The following TUBA1B variants were observed in gnomAD, a reference collection of about 807,000 sequenced individuals.
TUBA1B encodes tubulin alpha 1b.
Under a neutral mutation model 34.4 loss-of-function variants are expected in TUBA1B, and 1 was observed. That is an observed-to-expected ratio of 0.03 (90% CI 0.01 to 0.14). The LOEUF (loss-of-function observed/expected upper bound fraction) is 0.14, where lower values mean the gene tolerates loss of function less well. Ranked by LOEUF, TUBA1B falls within the 10% of genes least tolerant of loss-of-function variation. The pLI, the probability that TUBA1B is intolerant of heterozygous loss-of-function variation, is 1.00. For missense variants in TUBA1B, 54 were observed against 583.6 expected (o/e 0.09, Z 9.35); for synonymous variants, 197 against 212.5 (o/e 0.93, Z 0.64).
chr12:49,130,931 G>C (rs2121168837), intron 1 of TUBA1B: 1 of 193,840 alleles, frequency 5.2e-6, no homozygotes, highest in Non-Finnish European at 1.1e-5. Flanking sequence ...AAGAGTCCGC[G>C]CGCGCGTCCA....
At chr12:49,129,856 C>A in intron 1 of TUBA1B, 134 bp from the exon 2 acceptor site, 1 of 1,407,816 alleles carries the variant, frequency 7.1e-7, no homozygotes, top group Non-Finnish European at 9.6e-7. Flanking sequence ...GTGATGCCAT[C>A]TAGGCTCACT....
chr12:49,127,802 C>CT lies in TUBA1B; in HGVS notation c.*155dup. 1 of 1,237,066 alleles carries CT rather than the reference C, an allele frequency of 8.1e-7. No individual in the cohort carries two copies. Among genetic ancestry groups the CT allele is most frequent in the Non-Finnish European group, 1.1e-6 (1 of 890,788 alleles). 76.6% of individuals were successfully genotyped at this position (1,237,066 alleles called of 1,614,324 possible). On this transcript the variant is annotated 3_prime_UTR_variant, in exon 4 of 4. Transcript: ENST00000336023. ...AAAGCTTTTGATGTTAATGACTTTA[C>CT]TTTGAGATATGATGGAAAAATATTA...
chr12:49,129,763 AT>A, intron 1 of TUBA1B, 41 bp from the exon 2 acceptor site: 1 of 1,613,270 alleles, frequency 6.2e-7, no homozygotes, highest in Non-Finnish European at 8.5e-7. Flanking sequence ...AAACCAATCT[AT>A]TGATGACTGT....
intron 1 of TUBA1B, 82 bp downstream of exon 1, chr12:49,131,216 C>CTG (rs1270920058): frequency 1.1e-5 from 17 of 1,533,678 alleles, no homozygotes; most frequent in Non-Finnish European, 1.4e-5. Context: ...CCCTTCCCGG[C>CTG]TGTATACAGG....
At chr12:49,130,363 G>A (rs1332064410) in intron 1 of TUBA1B, 1 of 1,289,056 alleles carries the variant, frequency 7.8e-7, no homozygotes, top group Non-Finnish European at 1.0e-6. Context: ...CAGGATGAAT[G>A]AGCAATTCCG....
At chr12:49,130,979 C>T (rs1941799597) in intron 1 of TUBA1B, 4 of 310,332 alleles carry the variant, frequency 1.3e-5, no homozygotes, top group South Asian at 4.3e-5. Context: ...GAAAGGACTG[C>T]GGGGACTCGA....
Position 49,128,744 on chromosome 12 carries a change from G to T in TUBA1B, c.570C>A (p.Thr190=), listed in dbSNP as rs11546597. The change falls in exon 4 of 4, where the codon ACC becomes ACA. Residue 190 remains threonine, a synonymous_variant. Transcript: ENST00000336023. The surrounding 1 kb of genome is among the most constrained non-coding windows in gnomAD (Gnocchi z 8.1). Reference sequence around the variant, plus strand: ...CAGAGTGCTCCAGGGTGGTGTGGGTGGTGAGGATGGAGTTGTAGGGCTCAA... The same window carrying T: ...CAGAGTGCTCCAGGGTGGTGTGGGTTGTGAGGATGGAGTTGTAGGGCTCAA... ...AVVEPYNSIL[T]THTTLEHSDC... The T allele has an allele frequency of 4.6e-5, 74 of 1,611,666 alleles. No individual in the cohort carries two copies. Among genetic ancestry groups the T allele is most frequent in the Non-Finnish European group, 6.2e-5 (73 of 1,179,200 alleles).
At chr12:49,131,189 G>T (rs1941803427) in intron 1 of TUBA1B, 109 bp downstream of exon 1, 4 of 1,409,054 alleles carry the variant, frequency 2.8e-6, no homozygotes, top group Non-Finnish European at 3.9e-6. Context: ...CCTCCAAACG[G>T]ACGGCTCTGA....
Position 49,131,326 on chromosome 12 carries a change from G to T in TUBA1B, c.-26C>A. The T allele has an allele frequency of 6.2e-7, 1 of 1,610,602 alleles. No individual in the cohort carries two copies. The highest frequency in any genetic ancestry group is 8.5e-7 in the Non-Finnish European group (1 of 1,178,602). ...AGTGGCTAGGGATTAGGAGGCGAAG[G>T]CGACAGGAGCAGACACCGGGTCCCG... On this transcript the variant is annotated 5_prime_UTR_variant, in exon 1 of 4. Transcript: ENST00000336023.
chr12:49,128,885 C>T lies in TUBA1B; in HGVS notation c.429G>A (p.Gly143=), dbSNP rs532411919. 8 of 1,614,014 alleles carry T rather than the reference C, an allele frequency of 5.0e-6. No individual in the cohort carries two copies. In the South Asian group the frequency reaches 7.7e-5, roughly 16 times the overall value. ...QGFLVFHSFG[G]GTGSGFTSLL... is the part of the protein sequence containing the mutation. ...GGGAGGTGAACCCAGAACCAGTTCCCCCACCAAAGCTGTGGAAAACCAAGA... is the reference window on the plus strand; with the variant it reads ...GGGAGGTGAACCCAGAACCAGTTCCTCCACCAAAGCTGTGGAAAACCAAGA... The change falls in exon 4 of 4, where the codon GGG becomes GGA. Residue 143 remains glycine (G), a synonymous_variant. Transcript: ENST00000336023. This position sits in a 1 kb window ranked among gnomAD's most constrained non-coding sequence, Gnocchi z 8.1.
intron 1 of TUBA1B, chr12:49,130,120 T>G: frequency 8.3e-7 from 1 of 1,198,972 alleles, no homozygotes; most frequent in Non-Finnish European, 1.1e-6. Flanking sequence ...GAATGTTACC[T>G]TCCCATCCTA....
In TUBA1B at chr12:49,131,352, G is replaced by C. The variant is rs1215685753; in HGVS notation, c.-52C>G. The C allele has an allele frequency of 1.9e-6, 3 of 1,605,314 alleles. No individual in the cohort carries two copies. The highest frequency in any genetic ancestry group is 1.1e-5 in the South Asian group (1 of 89,822). ...CGACAGGAGCAGACACCGGGTCCCG[G>C]TTACCGTCCCCGACAAGCTAAGAGT... On this transcript the variant is annotated 5_prime_UTR_variant, in exon 1 of 4. Transcript: ENST00000336023.
Position 49,127,891 on chromosome 12 carries a change from C to CT in TUBA1B, c.*66dup. Reference sequence around the variant, plus strand: ...CAATCTAACCAGAAAGCTTTAACGTCTGTCAGTTAAGCTGAAGCTGAAATT... The same window carrying CT: ...CAATCTAACCAGAAAGCTTTAACGTCTTGTCAGTTAAGCTGAAGCTGAAATT... On this transcript the variant is annotated 3_prime_UTR_variant, in exon 4 of 4. Coordinates refer to ENST00000336023, the MANE Select transcript of TUBA1B (RefSeq NM_006082.3). 1.1e-5 allele frequency: 17 copies of CT among 1,610,670 alleles called. No individual in the cohort carries two copies. Among genetic ancestry groups the CT allele is most frequent in the Non-Finnish European group, 1.4e-5 (17 of 1,177,606 alleles).
Position 49,128,303 on chromosome 12 carries a change from G to A in TUBA1B, c.1011C>T (p.Thr337=). 1 of 1,614,182 alleles carries A rather than the reference G, an allele frequency of 6.2e-7. No homozygotes were observed. The highest frequency in any genetic ancestry group is 1.1e-5 in the South Asian group (1 of 91,092). Residue 337 remains threonine (T), a synonymous_variant, in exon 4 of 4, where the codon ACC becomes ACT. Transcript: ENST00000336023. The surrounding 1 kb of genome is among the most constrained non-coding windows in gnomAD (Gnocchi z 8.1). ...AATCCACAAACTGGATGCTGCGCTT[G>A]GTTTTGATGGTGGCAATGGCAGCAT... The part of the protein sequence containing the change: ...DVNAAIATIK[T]KRSIQFVDWC...
intron 1 of TUBA1B, 133 bp downstream of exon 1, chr12:49,131,165 G>T: frequency 1.7e-6 from 2 of 1,186,930 alleles, no homozygotes; most frequent in Non-Finnish European, 2.4e-6. Context: ...CTGGCCTCTC[G>T]CCTCGTTTTC....
At position 49,128,978 on chromosome 12, in the gene TUBA1B, A is replaced by C. The variant is rs568010635; in HGVS notation, c.376-40T>G. 1.3e-6 allele frequency: 2 copies of C among 1,559,714 alleles called. No individual in the cohort carries two copies. The highest frequency in any genetic ancestry group is 1.7e-4 in the Middle Eastern group (1 of 5,778). ...AAAAATGTAATATTTTAATGCCAGG[A>C]CACATTATCTTAGAATTTCTATTTC... is the stretch of plus-strand genomic sequence containing the variant. On this transcript the variant is annotated intron_variant, in intron 3 of 3. Coordinates refer to ENST00000336023, the MANE Select transcript of TUBA1B (RefSeq NM_006082.3). This position sits in a 1 kb window ranked among gnomAD's most constrained non-coding sequence, Gnocchi z 8.1.
chr12:49,129,208 C>T, intron 3 of TUBA1B, 34 bp downstream of exon 3: 1 of 1,612,824 alleles, frequency 6.2e-7, no homozygotes, highest in Non-Finnish European at 8.5e-7. Flanking sequence ...AACTATCACA[C>T]CACATTAAAT....
Position 49,128,620 on chromosome 12 carries a change from T to C in TUBA1B, c.694A>G (p.Ser232Gly), listed in dbSNP as rs1941768926. 1 of 1,611,314 alleles carries C rather than the reference T, an allele frequency of 6.2e-7. No individual in the cohort carries two copies. Among genetic ancestry groups the C allele is most frequent in the Non-Finnish European group, 8.5e-7 (1 of 1,178,642 alleles). Residue 232 changes from serine to glycine, a missense_variant, in exon 4 of 4, where the codon AGC becomes GGC. Around this residue, in one of 3 missense-constraint regions of TUBA1B, gnomAD observed 20 missense variants for 362.8 expected, o/e 0.06. Transcript: ENST00000336023. The surrounding 1 kb of genome is among the most constrained non-coding windows in gnomAD (Gnocchi z 8.1). ...GCAGTGATGGAGGACACAATCTGGC[T>C]AATAAGGCGGTTAAGGTTAGTGTAG... ...PTYTNLNRLI[S>G]QIVSSITASL... is the part of the protein sequence containing the mutation.
intron 1 of TUBA1B, chr12:49,129,998 T>G: frequency 9.7e-7 from 1 of 1,033,484 alleles, no homozygotes; most frequent in Non-Finnish European, 1.3e-6. Context: ...CCTAGGCTAC[T>G]CACGTAATCT....
Sources: allele counts gnomAD v4.1 joint callset, GRCh38; gene constraint gnomAD v4.1.1; regional missense constraint gnomAD v4.1.1; non-coding constraint Gnocchi (gnomAD v3.1); transcripts MANE v1.5; gene names NCBI Gene and HGNC (gene_info 2026-07-23, HGNC 2026-07-21).